Variants in ANKS1B observed in about 807,000 individuals in gnomAD.
ANKS1B encodes the protein ankyrin repeat and sterile alpha motif domain-containing protein 1B.
In ANKS1B, 36 loss-of-function variants were observed where a neutral mutation model predicts 148.3. That is an observed-to-expected ratio of 0.24 (90% CI 0.19 to 0.32). The LOEUF is 0.32. Ranked by LOEUF, ANKS1B falls within the 10% of genes least tolerant of loss-of-function variation. ANKS1B has a pLI of 1.00. For synonymous variants in ANKS1B, 542 were observed against 560.8 expected (o/e 0.97, Z 0.47); for missense variants, 1,157 against 1,542.6 (o/e 0.75, Z 4.19).
chr12:99,421,743 G>A (rs1025987836), intron 11 of ANKS1B, among the ~76,000 whole-genome samples: 10 of 152,242 alleles, frequency 6.6e-5, no homozygotes, highest in African/African-American at 9.6e-5. Flanking sequence ...AAACCCAAGT[G>A]ATATAGTTTG....
In ANKS1B at chr12:99,653,678, C is replaced by CT. The variant is rs199988255; in HGVS notation, c.1272+1388dup. Among the ~76,000 whole-genome samples, 891 of 113,526 alleles carry CT rather than the reference C, an allele frequency of 7.8e-3. 12 individuals carry two copies. Among genetic ancestry groups the CT allele is most frequent in the African/African-American group, 0.019 (597 of 31,104 alleles). 74.5% of individuals were successfully genotyped at this position (113,526 alleles called of 152,430 possible). On this transcript the variant is annotated intron_variant, in intron 9 of 26. Transcript: ENST00000683438. ...TTTTTTTCTCTTCCTTTCTTTCTTT[C>CT]TTTTTTTTTTTTTTTTTTTGAGACA...
At chr12:99,235,403 A>G (rs1295643057) in intron 14 of ANKS1B, among the ~76,000 whole-genome samples, 2 of 152,156 alleles carry the variant, frequency 1.3e-5, no homozygotes, top group African/African-American at 4.8e-5. Context: ...GGAACTTACT[A>G]TCACACGGGG....
intron 8 of ANKS1B, among the ~76,000 whole-genome samples, chr12:99,762,903 A>ATTACT (rs1318958226): frequency 6.6e-6 from 1 of 152,166 alleles, no homozygotes; most frequent in East Asian, 1.9e-4. Context: ...AATCCTCAAC[A>ATTACT]TTACTAATCA....
At chr12:98,978,015 T>C (rs2099900478) in intron 17 of ANKS1B, among the ~76,000 whole-genome samples, 1 of 152,154 alleles carries the variant, frequency 6.6e-6, no homozygotes, top group South Asian at 2.1e-4. Context: ...ATAAAGAGTT[T>C]AAATTCCCAT....
chr12:99,925,805 T>C (rs565066018), intron 1 of ANKS1B, among the ~76,000 whole-genome samples: 2 of 152,360 alleles, frequency 1.3e-5, no homozygotes, highest in East Asian at 1.9e-4. Flanking sequence ...TACATAGAAT[T>C]GTCATCCAAT....
intron 1 of ANKS1B, among the ~76,000 whole-genome samples, chr12:99,945,657 T>A (rs1355305460): frequency 1.3e-5 from 2 of 152,032 alleles, no homozygotes; most frequent in African/African-American, 2.4e-5. Context: ...CTTGTGGAGG[T>A]CATGGGCACT....
chr12:99,664,193 T>TATA (rs1186183248), intron 8 of ANKS1B, among the ~76,000 whole-genome samples: 1 of 152,026 alleles, frequency 6.6e-6, no homozygotes, highest in Non-Finnish European at 1.5e-5. Flanking sequence ...AGGCAAAATG[T>TATA]ATAACTTTGG....
chr12:99,215,982 T>A (rs918726716), intron 14 of ANKS1B, among the ~76,000 whole-genome samples: 6 of 152,242 alleles, frequency 3.9e-5, no homozygotes, highest in African/African-American at 1.4e-4. Context: ...GAATTGTAGC[T>A]CCCATAATCC....
rs1405143215 is a variant in ANKS1B, at chr12:98,798,973, C to T, written c.3303G>A (p.Arg1101=). 6.2e-7 allele frequency: 1 copy of T among 1,608,612 alleles called. No homozygotes were observed. Among genetic ancestry groups the T allele is most frequent in the Non-Finnish European group, 8.5e-7 (1 of 1,177,554 alleles). ...AAGCATCTTGGGTTGATTCTGTCCC[C>T]CTAAGCTCTTTTATCAGCATAGAAC... ...YLGSMLIKEL[R]GTESTQDACA... is the part of the protein sequence containing the mutation. The change falls in exon 22 of 27, where the codon AGG becomes AGA. Residue 1101 remains arginine (R), a synonymous_variant. Coordinates refer to ENST00000683438, the MANE Select transcript of ANKS1B (RefSeq NM_001352186.2).
At chr12:99,508,721 C>T (rs1312055994) in intron 9 of ANKS1B, among the ~76,000 whole-genome samples, 1 of 151,664 alleles carries the variant, frequency 6.6e-6, no homozygotes, top group Non-Finnish European at 1.5e-5. Flanking sequence ...ATTTTGTTTA[C>T]ATATTCAACT....
Position 99,984,523 on chromosome 12 carries a change from T to G in ANKS1B, c.-286A>C. On this transcript the variant is annotated 5_prime_UTR_variant, in exon 1 of 27. Transcript: ENST00000683438. ...ACTCCCCTGAATTCCCAAGGCCTCG[T>G]TCCCGCGGGTGCGGCGTGAGGGGGT... is the stretch of plus-strand genomic sequence containing the variant. 35 of 309,784 alleles carry G rather than the reference T, an allele frequency of 1.1e-4. No homozygotes were observed. The highest frequency in any genetic ancestry group is 1.6e-4 in the Non-Finnish European group (27 of 164,136). 19.2% of individuals were successfully genotyped at this position (309,784 alleles called of 1,614,324 possible).
chr12:99,518,090 T>C (rs1436788754), intron 9 of ANKS1B, among the ~76,000 whole-genome samples: 2 of 152,178 alleles, frequency 1.3e-5, no homozygotes, highest in Admixed American at 6.5e-5. Context: ...TGATAAAACA[T>C]CTTTTTAATA....
chr12:99,969,797 A>G (rs2095536309), intron 1 of ANKS1B, among the ~76,000 whole-genome samples: 2 of 152,206 alleles, frequency 1.3e-5, no homozygotes, highest in African/African-American at 4.8e-5. Context: ...ATACAGCACA[A>G]TTGAAAGATA....
At chr12:99,622,289 T>TA (rs1195131821) in intron 9 of ANKS1B, among the ~76,000 whole-genome samples, 1 of 151,746 alleles carries the variant, frequency 6.6e-6, no homozygotes, top group African/African-American at 2.4e-5. Flanking sequence ...TTCAAAAAGT[T>TA]AAAAAGATCT....
intron 8 of ANKS1B, among the ~76,000 whole-genome samples, chr12:99,679,003 A>C (rs2098598442): frequency 6.6e-6 from 1 of 152,228 alleles, no homozygotes; most frequent in Non-Finnish European, 1.5e-5. Flanking sequence ...AACTAAAAGA[A>C]AGAACTCTTG....
intron 10 of ANKS1B, among the ~76,000 whole-genome samples, chr12:99,495,734 A>G (rs2096597891): frequency 6.6e-6 from 1 of 152,232 alleles, no homozygotes. Flanking sequence ...TAAATGAGTT[A>G]AATATACCCA....
At chr12:99,222,733 T>C (rs1308864327) in intron 14 of ANKS1B, among the ~76,000 whole-genome samples, 1 of 152,188 alleles carries the variant, frequency 6.6e-6, no homozygotes, top group Admixed American at 6.5e-5. Context: ...ATATGAATTG[T>C]TGTTGATCTC....
intron 9 of ANKS1B, among the ~76,000 whole-genome samples, chr12:99,587,849 G>C (rs969558042): frequency 2.6e-5 from 4 of 152,156 alleles, no homozygotes; most frequent in Non-Finnish European, 5.9e-5. Context: ...CCATGAGATA[G>C]AATTGGGGTG....
intron 12 of ANKS1B, among the ~76,000 whole-genome samples, chr12:99,340,363 C>G (rs1284232787): frequency 6.6e-6 from 1 of 152,106 alleles, no homozygotes; most frequent in Non-Finnish European, 1.5e-5. Flanking sequence ...CTGCCAATTA[C>G]TAGTTTCTCT....
Sources: allele counts gnomAD v4.1 joint callset (sites outside exome capture counted in the v4.1 genomes callset), GRCh38; gene constraint gnomAD v4.1.1; transcripts MANE v1.5; gene names NCBI Gene and HGNC (gene_info 2026-07-23, HGNC 2026-07-21).